CDCA5: variants seen among roughly 807,000 people sequenced by gnomAD.
CDCA5 encodes the protein cell division cycle associated 5, also known as sororin.
CDCA5 carries 14 observed loss-of-function variants against 25.7 expected under a neutral mutation model. The ratio of observed to expected loss-of-function variants is 0.54; its 90% confidence interval spans 0.36 to 0.85. The LOEUF is 0.85. Among genes scored for constraint, CDCA5 ranks in the 40% least tolerant of loss-of-function variants. The pLI is 0.01. For synonymous variants in CDCA5, 127 were observed against 128.7 expected (o/e 0.99, Z 0.09); for missense variants, 307 against 324.5 (o/e 0.95, Z 0.41).
chr11:65,077,052 C>A (rs985412192), downstream of CDCA5, among the ~76,000 whole-genome samples: 2 of 152,106 alleles, frequency 1.3e-5, no homozygotes, highest in African/African-American at 2.4e-5. Context: ...CTTTGGGAGG[C>A]CGAGGAGGGC....
In CDCA5 at chr11:65,079,044, C is replaced by G; in HGVS notation, c.*63G>C. On this transcript the variant is annotated 3_prime_UTR_variant, in exon 6 of 6. Coordinates refer to ENST00000275517, the MANE Select transcript of CDCA5 (RefSeq NM_080668.4). Reference sequence around the variant, plus strand: ...GAGGGGACCCTAAGTGTCCTCTCCACAGGGAGGTGGCTATGTACAGGACAG... The same window carrying G: ...GAGGGGACCCTAAGTGTCCTCTCCAGAGGGAGGTGGCTATGTACAGGACAG... 1 of 1,452,038 alleles carries G rather than the reference C, an allele frequency of 6.9e-7. No individual in the cohort carries two copies. Among genetic ancestry groups the G allele is most frequent in the East Asian group, 2.4e-5 (1 of 42,356 alleles). The allele number at this position is 1,452,038 out of a possible 1,614,324, so 89.9% of individuals were successfully genotyped here.
At chr11:65,079,279 C>CA in intron 5 of CDCA5, 74 bp downstream of exon 5, 1 of 1,610,740 alleles carries the variant, frequency 6.2e-7, no homozygotes, top group Non-Finnish European at 8.5e-7. Flanking sequence ...GCCTATCCCC[C>CA]AAAAGAGCCA....
At chr11:65,068,039 T>C (rs992375317) in exon 3 of CDCA5, 5 of 1,289,014 alleles carry the variant, frequency 3.9e-6, no homozygotes, top group Non-Finnish European at 5.1e-6. Flanking sequence ...TTCAGGGTCT[T>C]TTGGCTCAGT....
In CDCA5 at chr11:65,079,643, C is replaced by T. The variant is rs1238277384; in HGVS notation, c.388G>A (p.Glu130Lys). 1 of 1,607,990 alleles carries T rather than the reference C, an allele frequency of 6.2e-7. No individual in the cohort carries two copies. The highest frequency in any genetic ancestry group is 8.5e-7 in the Non-Finnish European group (1 of 1,176,204). The change falls in exon 5 of 6, where the codon GAG becomes AAG. Residue 130 changes from glutamate (E) to lysine (K), a missense_variant. Transcript: ENST00000275517. The stretch of plus-strand genomic sequence containing the variant: ...ATTTCCAAGTCTCTGGCGTCCAGCT[C>T]TCCTTCCTTGGAGCTGGACTCGGCC... ...PEAESSSKEG[E>K]LDARDLEMSK...
chr11:65,079,092 A>T lies in CDCA5; in HGVS notation c.*15T>A. The T allele has an allele frequency of 6.6e-7, 1 of 1,513,148 alleles. No homozygotes were observed. Among genetic ancestry groups the T allele is most frequent in the Non-Finnish European group, 8.8e-7 (1 of 1,133,762 alleles). The allele number at this position is 1,513,148 out of a possible 1,614,324, so 93.7% of individuals were successfully genotyped here. A position where few individuals can be genotyped will look rare whatever the true frequency, so the allele number is the denominator to read the frequency against. ...CAGGAGGGAGAGTCTGGCCAGGTGC[A>T]CCCCCCACTGCATCTCATTCAACCA... On this transcript the variant is annotated 3_prime_UTR_variant, in exon 6 of 6. Transcript: ENST00000275517.
chr11:65,067,643 C>G, intron 4 of CDCA5: 2 of 1,288,332 alleles, frequency 1.6e-6, no homozygotes, highest in Non-Finnish European at 2.0e-6. Flanking sequence ...CCCATCTGCC[C>G]GCCCAGATCA....
At chr11:65,081,533 C>T (rs1947566725) in intron 4 of CDCA5, among the ~76,000 whole-genome samples, 1 of 152,114 alleles carries the variant, frequency 6.6e-6, no homozygotes, top group African/African-American at 2.4e-5. Context: ...CAACTTTATC[C>T]TGCTCGATGT....
chr11:65,078,110 C>T lies in CDCA5; in HGVS notation c.*997G>A, dbSNP rs1325874482. ...TATCAGCCCCCGCCGCTGTCTGGTA[C>T]GCGAGGAAACTTTCCGAGGACTTTA... On this transcript the variant is annotated 3_prime_UTR_variant, in exon 6 of 6. Coordinates refer to ENST00000275517, the MANE Select transcript of CDCA5 (RefSeq NM_080668.4). 2.4e-5 allele frequency: 24 copies of T among 985,334 alleles called. No individual in the cohort carries two copies. Among genetic ancestry groups the T allele is most frequent in the East Asian group, 1.1e-4 (1 of 8,832 alleles). 61.0% of individuals were successfully genotyped at this position (985,334 alleles called of 1,614,324 possible).
chr11:65,065,312 G>C (rs1947222592), downstream of CDCA5, among the ~76,000 whole-genome samples: 1 of 151,972 alleles, frequency 6.6e-6, no homozygotes, highest in Non-Finnish European at 1.5e-5. Flanking sequence ...TTTTGAGATA[G>C]TGTCTTGCTC....
chr11:65,068,052 G>A (rs969633049), exon 3 of CDCA5: 224 of 1,289,190 alleles, frequency 1.7e-4, no homozygotes, highest in Non-Finnish European at 2.2e-4. Flanking sequence ...GGCTCAGTGG[G>A]CTCAGAGGTG....
intron 4 of CDCA5, chr11:65,067,535 G>C (rs1452036509): frequency 4.5e-6 from 2 of 442,306 alleles, no homozygotes; most frequent in Non-Finnish European, 4.1e-6. Flanking sequence ...GACAATTAAA[G>C]GTGGGGGTTC....
chr11:65,068,237 GT>G, intron 2 of CDCA5: 1 of 598,390 alleles, frequency 1.7e-6, no homozygotes, highest in East Asian at 6.7e-5. Context: ...CCCATCGTCT[GT>G]ATCCCCCACC....
At chr11:65,065,081 G>A (rs1453508922), downstream of CDCA5, among the ~76,000 whole-genome samples, 1 of 151,982 alleles carries the variant, frequency 6.6e-6, no homozygotes, top group East Asian at 1.9e-4. Context: ...GTGAACATAA[G>A]GCAAAATGAT....
chr11:65,083,643 C>G lies in CDCA5; in HGVS notation c.127G>C (p.Glu43Gln), dbSNP rs1252503398. The part of the protein sequence containing the change: ...SGSELPSILP[E>Q]IWPKTPSAAA... ...CTGGGGCTCACCTTCGGCCAGATTT[C>G]AGGGAGGATGCTCGGGAGTTCAGAG... is the stretch of plus-strand genomic sequence containing the variant. Residue 43 changes from glutamate (E) to glutamine (Q), a missense_variant, in exon 2 of 6, where the codon GAA becomes CAA. Physicochemically the swap from Glu to Gln is conservative, Grantham distance 29 (BLOSUM62 2). Coordinates refer to ENST00000275517, the MANE Select transcript of CDCA5 (RefSeq NM_080668.4). 1 of 1,614,074 alleles carries G rather than the reference C, an allele frequency of 6.2e-7. No homozygotes were observed. Among genetic ancestry groups the G allele is most frequent in the Non-Finnish European group, 8.5e-7 (1 of 1,180,040 alleles).
chr11:65,071,865 G>C (rs1041801121), intron 1 of CDCA5, among the ~76,000 whole-genome samples: 5 of 152,186 alleles, frequency 3.3e-5, no homozygotes, highest in Non-Finnish European at 5.9e-5. Context: ...ACAGAAGATA[G>C]CTCAGGACCT....
downstream of CDCA5, among the ~76,000 whole-genome samples, chr11:65,076,851 C>T (rs985077655): frequency 3.9e-5 from 6 of 152,096 alleles, no homozygotes; most frequent in Non-Finnish European, 7.4e-5. Context: ...GAATGGGGAA[C>T]GAGGGCTGGA....
At chr11:65,070,702 G>A (rs957519464) in intron 1 of CDCA5, among the ~76,000 whole-genome samples, 3 of 152,056 alleles carry the variant, frequency 2.0e-5, no homozygotes, top group Non-Finnish European at 4.4e-5. Context: ...GACTGGTCTC[G>A]AACTCCTGGG....
At chr11:65,067,503 C>A (rs772392544) in intron 4 of CDCA5, among the ~76,000 whole-genome samples, 3 of 152,232 alleles carry the variant, frequency 2.0e-5, no homozygotes, top group Non-Finnish European at 4.4e-5. Flanking sequence ...CTCCCCCAGA[C>A]TGAACGCTCC....
downstream of CDCA5, chr11:65,066,337 C>T: frequency 8.5e-7 from 1 of 1,170,592 alleles, no homozygotes; most frequent in Non-Finnish European, 1.1e-6. Flanking sequence ...TAGGGAGGAG[C>T]TGGCTGAAGG....
Sources: gnomAD v4.1 joint callset for allele counts (sites outside exome capture counted in the v4.1 genomes callset) on GRCh38, gnomAD v4.1.1 for gene constraint, MANE v1.5 for transcripts, NCBI Gene and HGNC (gene_info 2026-07-23, HGNC 2026-07-21) for gene names.